MTRES1: variants seen among roughly 807,000 people sequenced by gnomAD.
The protein encoded by MTRES1 is mitochondrial transcription rescue factor 1.
A neutral mutation model predicts 17.4 loss-of-function variants in MTRES1; 11 were observed. That is an observed-to-expected ratio of 0.63 (90% CI 0.40 to 1.05). The LOEUF is 1.05. MTRES1 is among the 50% of genes least tolerant of loss of function. MTRES1 has a pLI of 0.00. For missense variants in MTRES1, 268 were observed against 276.2 expected (o/e 0.97, Z 0.21); for synonymous variants, 94 against 99.6 (o/e 0.94, Z 0.34).
intron 1 of MTRES1, chr6:107,030,092 T>G (rs1554226248): frequency 1.4e-6 from 1 of 718,576 alleles, no homozygotes; most frequent in Non-Finnish European, 2.6e-6. Context: ...GTGCCCAGAT[T>G]AGTGCTTGGC....
intron 3 of MTRES1, among the ~76,000 whole-genome samples, chr6:107,048,998 A>C (rs1774496456): frequency 6.6e-6 from 1 of 151,876 alleles, no homozygotes; most frequent in Non-Finnish European, 1.5e-5. Flanking sequence ...ATATCCAGCT[A>C]TTGTGGGTTT....
Position 107,037,864 on chromosome 6 carries a change from G to A in MTRES1, c.-12-1885G>A, listed in dbSNP as rs57415087. On this transcript the variant is annotated intron_variant, in intron 1 of 3. Coordinates refer to ENST00000311381, the MANE Select transcript of MTRES1 (RefSeq NM_016487.5). ...CTCCTGAGTAGCTGGGATTATAGGC[G>A]TATGCCACCACACCCGGCTAATTTT... Among the ~76,000 whole-genome samples, 655 of 151,906 alleles carry A rather than the reference G, an allele frequency of 4.3e-3. 26 individuals are homozygous for A. In the East Asian group the frequency reaches 0.12, roughly 27 times the overall value.
chr6:107,036,246 A>C (rs1336199044), intron 1 of MTRES1, among the ~76,000 whole-genome samples: 2 of 152,122 alleles, frequency 1.3e-5, no homozygotes, highest in Non-Finnish European at 2.9e-5. Flanking sequence ...TATTCATCTT[A>C]AAGAAGTTTA....
At chr6:107,047,672 G>A (rs1157096768) in intron 3 of MTRES1, among the ~76,000 whole-genome samples, 2 of 152,022 alleles carry the variant, frequency 1.3e-5, no homozygotes, top group African/African-American at 4.8e-5. Flanking sequence ...AACACTTGAG[G>A]CCAGGAGTTT....
chr6:107,031,942 G>A (rs77045523), intron 1 of MTRES1, among the ~76,000 whole-genome samples: 4,510 of 152,180 alleles, frequency 0.03, 93 homozygotes, highest in Middle Eastern at 0.072. Flanking sequence ...GGAGAGACAG[G>A]AAGAAAACCA....
intron 1 of MTRES1, among the ~76,000 whole-genome samples, chr6:107,033,485 C>A (rs1392400565): frequency 6.6e-6 from 1 of 151,806 alleles, no homozygotes; most frequent in Non-Finnish European, 1.5e-5. Context: ...TTCTCTGGCA[C>A]CCCCACTTCC....
At chr6:107,043,922 T>A (rs1045686686) in intron 2 of MTRES1, among the ~76,000 whole-genome samples, 2 of 151,560 alleles carry the variant, frequency 1.3e-5, no homozygotes, top group Non-Finnish European at 2.9e-5. Flanking sequence ...AGGTCAGGAG[T>A]TCAAGACCAG....
intron 1 of MTRES1, among the ~76,000 whole-genome samples, chr6:107,031,852 C>T (rs1381756275): frequency 1.3e-5 from 2 of 152,096 alleles, no homozygotes; most frequent in Admixed American, 1.3e-4. Context: ...CCACCCACCT[C>T]GGCCTCCCAA....
chr6:107,039,420 A>G (rs1582603126), intron 1 of MTRES1, among the ~76,000 whole-genome samples: 1 of 152,042 alleles, frequency 6.6e-6, no homozygotes, highest in South Asian at 2.1e-4. Context: ...CCTGGGTTCA[A>G]GTGATTCTCC....
At chr6:107,036,908 A>C (rs1194653537) in intron 1 of MTRES1, among the ~76,000 whole-genome samples, 4 of 150,558 alleles carry the variant, frequency 2.7e-5, no homozygotes, top group Admixed American at 1.3e-4. Context: ...CTCTTTTGGC[A>C]TGAAATCTTT....
chr6:107,031,422 A>AAAAAG (rs1773835180), intron 1 of MTRES1, among the ~76,000 whole-genome samples: 1 of 138,426 alleles, frequency 7.2e-6, no homozygotes, highest in Non-Finnish European at 1.5e-5. Context: ...AAAAAGGAGA[A>AAAAAG]GAGAAGGAGG....
intron 3 of MTRES1, among the ~76,000 whole-genome samples, chr6:107,047,422 G>A (rs1408912757): frequency 6.6e-6 from 1 of 151,714 alleles, no homozygotes; most frequent in Non-Finnish European, 1.5e-5. Context: ...GTCTCACTGT[G>A]TGGTCCAGGC....
chr6:107,046,150 C>G (rs1352435703), intron 3 of MTRES1, among the ~76,000 whole-genome samples: 3 of 152,322 alleles, frequency 2.0e-5, no homozygotes, highest in Middle Eastern at 3.4e-3. Context: ...GAGCTACATG[C>G]AGTCATAAGC....
intron 1 of MTRES1, among the ~76,000 whole-genome samples, chr6:107,034,866 A>G (rs570827470): frequency 1.3e-5 from 2 of 152,148 alleles, no homozygotes; most frequent in East Asian, 2.0e-4. Context: ...ACATGCCTGT[A>G]ATCCCAGCTA....
intron 1 of MTRES1, among the ~76,000 whole-genome samples, chr6:107,029,243 A>G (rs1219347969): frequency 6.7e-6 from 1 of 148,616 alleles, no homozygotes; most frequent in Non-Finnish European, 1.5e-5. Context: ...GCTGGAGTGC[A>G]GTGGCGCGAT....
chr6:107,042,406 T>G (rs528063687), intron 2 of MTRES1, among the ~76,000 whole-genome samples: 6 of 150,798 alleles, frequency 4.0e-5, no homozygotes, highest in African/African-American at 1.2e-4. Flanking sequence ...GGCATTCTGA[T>G]CAGGGTGCCA....
At position 107,046,933 on chromosome 6, in the gene MTRES1, TGTGTGTGTG is replaced by T. The variant is rs1774411895; in HGVS notation, c.543+2602_543+2610del. Reference sequence around the variant, plus strand: ...GAAGCTCCAAAGGGATTCATTCTTGTGTGTGTGTGTGTGTGTGTGTGTGTGTGTGTGTGT... The same window carrying T: ...GAAGCTCCAAAGGGATTCATTCTTGTTGTGTGTGTGTGTGTGTGTGTGTGT... On this transcript the variant is annotated intron_variant, in intron 3 of 3. Coordinates refer to ENST00000311381, the MANE Select transcript of MTRES1 (RefSeq NM_016487.5). Among the ~76,000 whole-genome samples, 1,223 of 146,890 alleles carry T rather than the reference TGTGTGTGTG, an allele frequency of 8.3e-3. 21 individuals are homozygous for T. Among genetic ancestry groups the T allele is most frequent in the East Asian group, 0.031 (156 of 4,974 alleles).
At chr6:107,040,571 A>C (rs1167279671) in intron 2 of MTRES1, 2 of 193,636 alleles carry the variant, frequency 1.0e-5, no homozygotes, top group Non-Finnish European at 2.1e-5. Context: ...CAAATGCTAT[A>C]ATGTGAGACG....
At chr6:107,038,654 C>T (rs1234864599) in intron 1 of MTRES1, among the ~76,000 whole-genome samples, 1 of 152,202 alleles carries the variant, frequency 6.6e-6, no homozygotes, top group African/African-American at 2.4e-5. Context: ...TAGAGATTCA[C>T]TCTGGATTTT....
Sources: allele counts gnomAD v4.1 joint callset (sites outside exome capture counted in the v4.1 genomes callset), GRCh38; gene constraint gnomAD v4.1.1; transcripts MANE v1.5; gene names NCBI Gene and HGNC (gene_info 2026-07-23, HGNC 2026-07-21).